The following XRCC4 variants were observed in gnomAD, a reference collection of about 807,000 sequenced individuals.
XRCC4 encodes DNA repair protein XRCC4.
In XRCC4, 28 loss-of-function variants were observed where a neutral mutation model predicts 39.1. That is an observed-to-expected ratio of 0.72 (90% CI 0.53 to 0.98). The LOEUF is 0.98. XRCC4 is among the 50% of genes least tolerant of loss of function. The pLI is 0.00. For missense variants in XRCC4, 350 were observed against 376.4 expected (o/e 0.93, Z 0.58); for synonymous variants, 123 against 126.4 (o/e 0.97, Z 0.18).
intron 7 of XRCC4, among the ~76,000 whole-genome samples, chr5:83,268,106 T>C (rs1377369208): frequency 6.6e-6 from 1 of 152,142 alleles, no homozygotes; most frequent in Non-Finnish European, 1.5e-5. Flanking sequence ...AGGAAGATAC[T>C]CTAGTAGTAA....
At chr5:83,081,265 T>C (rs939112302) in intron 1 of XRCC4, among the ~76,000 whole-genome samples, 3 of 152,230 alleles carry the variant, frequency 2.0e-5, no homozygotes, top group Admixed American at 6.5e-5. Flanking sequence ...TACATTACCT[T>C]TTACATTACC....
intron 7 of XRCC4, among the ~76,000 whole-genome samples, chr5:83,334,322 T>C (rs181689245): frequency 1.3e-3 from 200 of 152,294 alleles, no homozygotes; most frequent in African/African-American, 4.6e-3. Context: ...AACTGTAGTG[T>C]TATAGTTAAC....
At chr5:83,348,241 G>C (rs1164207523) in intron 7 of XRCC4, among the ~76,000 whole-genome samples, 4 of 152,166 alleles carry the variant, frequency 2.6e-5, no homozygotes, top group South Asian at 2.1e-4. Context: ...GTGTCCCTTT[G>C]AGGGCTCCAA....
At chr5:83,116,207 A>G (rs1746702721) in intron 3 of XRCC4, among the ~76,000 whole-genome samples, 1 of 152,236 alleles carries the variant, frequency 6.6e-6, no homozygotes, top group African/African-American at 2.4e-5. Flanking sequence ...TGATACAAAC[A>G]TCTGATTGTT....
chr5:83,095,473 C>G (rs1745634072), intron 1 of XRCC4, among the ~76,000 whole-genome samples: 1 of 152,162 alleles, frequency 6.6e-6, no homozygotes, highest in Non-Finnish European at 1.5e-5. Flanking sequence ...AGGGACCACT[C>G]TGGTTAAACT....
chr5:83,201,099 A>G (rs1364790307), intron 4 of XRCC4: 1 of 152,236 alleles, frequency 6.6e-6, no homozygotes, highest in Non-Finnish European at 1.5e-5. Flanking sequence ...TACTTTTACA[A>G]TGGTGAATAG....
intron 3 of XRCC4, among the ~76,000 whole-genome samples, chr5:83,157,778 G>C (rs1022016583): frequency 6.6e-6 from 1 of 152,014 alleles, no homozygotes; most frequent in African/African-American, 2.4e-5. Flanking sequence ...GGAAAGTTAA[G>C]AAAATTTGAT....
chr5:83,300,680 A>G (rs956171329), intron 7 of XRCC4, among the ~76,000 whole-genome samples: 11 of 150,452 alleles, frequency 7.3e-5, no homozygotes, highest in South Asian at 4.2e-4. Flanking sequence ...TGCTGCACCC[A>G]TCAACCGGTC....
intron 6 of XRCC4, among the ~76,000 whole-genome samples, chr5:83,231,226 A>G (rs1203225107): frequency 1.3e-5 from 2 of 152,020 alleles, no homozygotes; most frequent in Non-Finnish European, 2.9e-5. Flanking sequence ...AAGTATTTGC[A>G]TCCTATGGAG....
chr5:83,097,976 T>G lies in XRCC4; in HGVS notation c.-10-6934T>G, dbSNP rs78026304. Among the ~76,000 whole-genome samples, 373 of 151,432 alleles carry G rather than the reference T, an allele frequency of 2.5e-3. 1 individual carries two copies. Among genetic ancestry groups the G allele is most frequent in the African/African-American group, 8.7e-3 (356 of 41,074 alleles). On this transcript the variant is annotated intron_variant, in intron 1 of 7. Coordinates refer to ENST00000396027, the MANE Select transcript of XRCC4 (RefSeq NM_003401.5). ...GGTATTAAATAGTATGTGGGAAATT[T>G]GTTCATGCATTAGGTCATTTTATTG...
At chr5:83,089,720 G>GA (rs11360167) in intron 1 of XRCC4, among the ~76,000 whole-genome samples, 26 of 151,076 alleles carry the variant, frequency 1.7e-4, no homozygotes, top group Admixed American at 1.3e-3. Flanking sequence ...ACATGTCTTA[G>GA]AAAAAAAAAT....
chr5:83,352,228 G>A (rs759863915), intron 7 of XRCC4, among the ~76,000 whole-genome samples: 5 of 152,074 alleles, frequency 3.3e-5, no homozygotes, highest in Non-Finnish European at 5.9e-5. Context: ...CTCTACCCCC[G>A]CCTTTGAACT....
At chr5:83,227,308 A>G (rs1752327808) in intron 6 of XRCC4, among the ~76,000 whole-genome samples, 1 of 152,116 alleles carries the variant, frequency 6.6e-6, no homozygotes, top group Non-Finnish European at 1.5e-5. Context: ...TTTTTAAACT[A>G]CTTAAATTAA....
chr5:83,124,644 G>A (rs573388396), intron 3 of XRCC4, among the ~76,000 whole-genome samples: 3 of 152,122 alleles, frequency 2.0e-5, no homozygotes, highest in Non-Finnish European at 4.4e-5. Context: ...TACAAGGGTT[G>A]GCAAACAATA....
chr5:83,104,458 C>T (rs1212530083), intron 1 of XRCC4, among the ~76,000 whole-genome samples: 2 of 152,040 alleles, frequency 1.3e-5, no homozygotes, highest in Non-Finnish European at 2.9e-5. Flanking sequence ...GTAAAATTTA[C>T]TCAGCATATT....
the XRCC4 span, among the ~76,000 whole-genome samples, chr5:83,372,357 C>A: frequency 1.0e-3 from 152 of 152,158 alleles, no homozygotes; most frequent in African/African-American, 3.4e-3. Context: ...TTTCAGTAAA[C>A]AAAGTGGAGT....
chr5:83,221,982 A>G (rs146420063), intron 6 of XRCC4, among the ~76,000 whole-genome samples: 20 of 151,916 alleles, frequency 1.3e-4, no homozygotes, highest in Non-Finnish European at 2.5e-4. Context: ...TGATAGTAGT[A>G]TAACTACCCC....
intron 1 of XRCC4, among the ~76,000 whole-genome samples, chr5:83,087,317 CA>C (rs1217114422): frequency 1.3e-5 from 2 of 148,504 alleles, no homozygotes; most frequent in Non-Finnish European, 3.0e-5. Context: ...ACCCTGTCTC[CA>C]AAAAAATAAA....
chr5:83,331,331 G>A (rs1015159371), intron 7 of XRCC4, among the ~76,000 whole-genome samples: 2 of 152,040 alleles, frequency 1.3e-5, no homozygotes, highest in East Asian at 1.9e-4. Flanking sequence ...AAGATTCAGT[G>A]TTATAAAACA....
Sources: gnomAD v4.1 joint callset for allele counts (sites outside exome capture counted in the v4.1 genomes callset) on GRCh38, gnomAD v4.1.1 for gene constraint, MANE v1.5 for transcripts, NCBI Gene and HGNC (gene_info 2026-07-23, HGNC 2026-07-21) for gene names.